GABRG3: variants seen among roughly 807,000 people sequenced by gnomAD.
GABRG3 encodes the protein gamma-aminobutyric acid receptor subunit gamma-3.
Under a neutral mutation model 48.8 loss-of-function variants are expected in GABRG3, and 25 were observed. The observed-to-expected ratio is 0.51, with a 90% confidence interval of 0.37 to 0.72. GABRG3 has a LOEUF of 0.72. GABRG3 is among the 30% of genes least tolerant of loss of function. GABRG3 has a pLI of 0.00. For synonymous variants in GABRG3, 227 were observed against 217.6 expected (o/e 1.04, Z -0.38); for missense variants, 394 against 577.9 (o/e 0.68, Z 3.26).
intron 3 of GABRG3, among the ~76,000 whole-genome samples, chr15:27,088,879 G>A (rs1399092289): frequency 6.6e-6 from 1 of 152,232 alleles, no homozygotes; most frequent in South Asian, 2.1e-4. Flanking sequence ...GAAGGGAGAC[G>A]GGGTGAGCCA....
intron 2 of GABRG3, among the ~76,000 whole-genome samples, chr15:26,990,807 T>C (rs980535992): frequency 6.0e-5 from 9 of 151,186 alleles, no homozygotes; most frequent in Non-Finnish European, 4.4e-5. Flanking sequence ...ATTTTGATTT[T>C]TTTTTTTTTT....
intron 2 of GABRG3, among the ~76,000 whole-genome samples, chr15:27,022,628 C>T (rs1462233205): frequency 6.6e-6 from 1 of 152,106 alleles, no homozygotes; most frequent in African/African-American, 2.4e-5. Context: ...CTTTAACGTC[C>T]ACAATAAGCA....
At chr15:27,525,542 G>A (rs973800004) in intron 7 of GABRG3, among the ~76,000 whole-genome samples, 1 of 152,080 alleles carries the variant, frequency 6.6e-6, no homozygotes, top group Non-Finnish European at 1.5e-5. Context: ...GGTGGAAGTG[G>A]GGAGGATAAA....
intron 3 of GABRG3, among the ~76,000 whole-genome samples, chr15:27,270,841 T>A (rs1200793992): frequency 6.6e-6 from 1 of 152,178 alleles, no homozygotes; most frequent in Non-Finnish European, 1.5e-5. Flanking sequence ...ACCTCATAAA[T>A]GTGTAACATT....
intron 5 of GABRG3, among the ~76,000 whole-genome samples, chr15:27,442,621 A>T (rs555392647): frequency 6.6e-6 from 1 of 152,304 alleles, no homozygotes; most frequent in African/African-American, 2.4e-5. Flanking sequence ...CCCTTATGCA[A>T]AGCGCACTTT....
intron 3 of GABRG3, among the ~76,000 whole-genome samples, chr15:27,167,237 C>G (rs1887406705): frequency 6.6e-6 from 1 of 152,226 alleles, no homozygotes; most frequent in Non-Finnish European, 1.5e-5. Context: ...CCCCCTGATT[C>G]TTTTCCTCTC....
chr15:27,286,356 A>C (rs920822679), intron 3 of GABRG3, among the ~76,000 whole-genome samples: 1 of 152,128 alleles, frequency 6.6e-6, no homozygotes, highest in Non-Finnish European at 1.5e-5. Flanking sequence ...TTCTTTTTCC[A>C]CGGCTGACTC....
At chr15:27,517,122 G>GCCA (rs1451954685) in intron 6 of GABRG3, among the ~76,000 whole-genome samples, 173 of 87,990 alleles carry the variant, frequency 2.0e-3, no homozygotes, top group African/African-American at 0.013. Context: ...TTTGACTAGT[G>GCCA]CCGCCTCTAT....
intron 3 of GABRG3, among the ~76,000 whole-genome samples, chr15:27,170,698 T>C (rs1208055701): frequency 6.6e-6 from 1 of 152,198 alleles, no homozygotes; most frequent in Non-Finnish European, 1.5e-5. Flanking sequence ...CTCAATTATT[T>C]TGAGAACATG....
chr15:27,109,981 T>C (rs1897517245), intron 3 of GABRG3, among the ~76,000 whole-genome samples: 1 of 152,220 alleles, frequency 6.6e-6, no homozygotes, highest in African/African-American at 2.4e-5. Context: ...CCACTTTGTC[T>C]ATCTCTGTCT....
At chr15:27,162,961 C>T (rs1039968817) in intron 3 of GABRG3, among the ~76,000 whole-genome samples, 4 of 151,938 alleles carry the variant, frequency 2.6e-5, no homozygotes, top group African/African-American at 7.3e-5. Context: ...GTGGAGGTTA[C>T]GAGATTCACC....
rs1895474704 is a variant in GABRG3 at position 27,002,760 on chromosome 15, A to AAAG, written c.203-23992_203-23991insGAA. On this transcript the variant is annotated intron_variant, in intron 2 of 9. Coordinates refer to ENST00000615808, the MANE Select transcript of GABRG3 (RefSeq NM_033223.5). ...CGTGTCTCTCAAAAAAAAAAAAAAA[A>AAAG]AAAGGAAGGAAGGAAGGAAGGAAAG... Among the ~76,000 whole-genome samples, 2 of 125,930 alleles carry AAAG rather than the reference A, an allele frequency of 1.6e-5. 1 individual carries two copies. 82.6% of individuals were successfully genotyped at this position (125,930 alleles called of 152,430 possible). A position where few individuals can be genotyped will look rare whatever the true frequency, so the allele number is the denominator to read the frequency against.
At chr15:27,116,259 C>G (rs576494437) in intron 3 of GABRG3, among the ~76,000 whole-genome samples, 2 of 152,290 alleles carry the variant, frequency 1.3e-5, no homozygotes, top group South Asian at 2.1e-4. Context: ...CCTAGCTGGA[C>G]TCAGAGGAGG....
chr15:27,210,480 G>A lies in GABRG3; in HGVS notation c.271-116329G>A, dbSNP rs534757196. On this transcript the variant is annotated intron_variant, in intron 3 of 9. Transcript: ENST00000615808. ...CTTTCCATCACACACGCGCACCTGC[G>A]TGCACACACATACACATGCACACAC... 4.6e-5 allele frequency among the ~76,000 whole-genome samples: 7 copies of A among 152,220 alleles called. No individual in the cohort carries two copies. In the East Asian group the frequency reaches 5.8e-4, roughly 13 times the overall value.
At chr15:27,108,962 A>G (rs1047705291) in intron 3 of GABRG3, among the ~76,000 whole-genome samples, 4 of 152,136 alleles carry the variant, frequency 2.6e-5, no homozygotes, top group Non-Finnish European at 5.9e-5. Flanking sequence ...TAAAATAGGC[A>G]AAAAGGGAGA....
intron 5 of GABRG3, among the ~76,000 whole-genome samples, chr15:27,403,408 T>A (rs568888599): frequency 6.6e-6 from 1 of 152,218 alleles, no homozygotes; most frequent in East Asian, 1.9e-4. Flanking sequence ...AAATCAAAAA[T>A]TCCAAACCCC....
Position 27,082,277 on chromosome 15 carries a change from C to T in GABRG3, c.270+55456C>T, listed in dbSNP as rs74956221. ...GCATTTGACCTCTGACCTGAAAAGC[C>T]ACCCAATTTCACATGAAGCCTCTTT... On this transcript the variant is annotated intron_variant, in intron 3 of 9. Coordinates refer to ENST00000615808, the MANE Select transcript of GABRG3 (RefSeq NM_033223.5). Among the ~76,000 whole-genome samples the T allele has an allele frequency of 8.8e-4, 134 of 152,288 alleles. 1 individual carries two copies. The East Asian group carries it at 0.021, about 23-fold the overall frequency.
intron 3 of GABRG3, among the ~76,000 whole-genome samples, chr15:27,229,818 T>G (rs558600954): frequency 1.3e-5 from 2 of 152,316 alleles, no homozygotes; most frequent in Non-Finnish European, 2.9e-5. Flanking sequence ...TTTTTGTCAC[T>G]GTGGCCTTGT....
At chr15:27,452,456 C>T (rs925058220) in intron 5 of GABRG3, among the ~76,000 whole-genome samples, 1 of 152,134 alleles carries the variant, frequency 6.6e-6, no homozygotes, top group Non-Finnish European at 1.5e-5. Flanking sequence ...TTTTGACTTC[C>T]CAGAAACTTA....
Sources: allele counts gnomAD v4.1 joint callset (sites outside exome capture counted in the v4.1 genomes callset), GRCh38; gene constraint gnomAD v4.1.1; transcripts MANE v1.5; gene names NCBI Gene and HGNC (gene_info 2026-07-23, HGNC 2026-07-21).